ADGRB3: variants seen among roughly 807,000 people sequenced by gnomAD.
The protein encoded by ADGRB3 is adhesion G protein-coupled receptor B3.
A neutral mutation model predicts 193.4 loss-of-function variants in ADGRB3; 37 were observed. The ratio of observed to expected loss-of-function variants is 0.19; its 90% confidence interval spans 0.15 to 0.25. The LOEUF (loss-of-function observed/expected upper bound fraction) is 0.25, where lower values mean the gene tolerates loss of function less well. Among genes scored for constraint, ADGRB3 ranks in the 10% least tolerant of loss-of-function variants. ADGRB3 has a pLI of 1.00. For missense variants in ADGRB3, 1,637 were observed against 1,852.9 expected (o/e 0.88, Z 2.14); for synonymous variants, 690 against 644.2 (o/e 1.07, Z -1.08).
intron 11 of ADGRB3, among the ~76,000 whole-genome samples, chr6:69,001,240 C>T (rs749013266): frequency 6.6e-6 from 1 of 152,190 alleles, no homozygotes; most frequent in Non-Finnish European, 1.5e-5. Context: ...GTCAAAAGTA[C>T]AGAAATAGTG....
At chr6:68,892,650 G>A (rs992741462) in intron 3 of ADGRB3, among the ~76,000 whole-genome samples, 3 of 152,048 alleles carry the variant, frequency 2.0e-5, no homozygotes, top group Admixed American at 2.0e-4. Context: ...GAGGGCCTGG[G>A]TTGTGCAATA....
intron 17 of ADGRB3, among the ~76,000 whole-genome samples, chr6:69,175,280 TGTAA>T (rs1466308000): frequency 6.6e-6 from 1 of 152,234 alleles, no homozygotes; most frequent in Non-Finnish European, 1.5e-5. Context: ...AGGTCTTACA[TGTAA>T]GTGTTTAACC....
chr6:68,704,587 C>A (rs1449205768), intron 3 of ADGRB3, among the ~76,000 whole-genome samples: 2 of 152,058 alleles, frequency 1.3e-5, no homozygotes, highest in African/African-American at 2.4e-5. Context: ...TTAAGAGGAG[C>A]CTACATAAAT....
In ADGRB3 at chr6:68,639,287, G is replaced by A; in HGVS notation, c.612G>A (p.Glu204=). 1 of 1,614,146 alleles carries A rather than the reference G, an allele frequency of 6.2e-7. No individual in the cohort carries two copies. Among genetic ancestry groups the A allele is most frequent in the South Asian group, 1.1e-5 (1 of 91,082 alleles). The change falls in exon 3 of 32, where the codon GAG becomes GAA. Residue 204 remains glutamate, a synonymous_variant. Coordinates refer to ENST00000370598, the MANE Select transcript of ADGRB3 (RefSeq NM_001704.3). The part of the protein sequence containing the change: ...TKCTCPQHLG[E]WGIDDQSLIL... ...GCACCTGCCCTCAGCATTTGGGAGA[G>A]TGGGGGATCGACGACCAGTCGCTGA...
chr6:68,674,961 A>G (rs1345464226), intron 3 of ADGRB3, among the ~76,000 whole-genome samples: 1 of 151,964 alleles, frequency 6.6e-6, no homozygotes, highest in South Asian at 2.1e-4. Context: ...AAAATATAAG[A>G]TAGGGAAGTT....
At chr6:68,776,206 G>C (rs1039632247) in intron 3 of ADGRB3, among the ~76,000 whole-genome samples, 1 of 152,076 alleles carries the variant, frequency 6.6e-6, no homozygotes, top group Non-Finnish European at 1.5e-5. Context: ...AAATTAATGA[G>C]GTAAGGGACT....
chr6:69,332,057 G>C (rs2127314425), intron 23 of ADGRB3: 1 of 985,394 alleles, frequency 1.0e-6, no homozygotes, highest in African/African-American at 1.7e-5. Context: ...AGATTGGAAA[G>C]AGGCCAGAAA....
chr6:68,843,051 C>CAA (rs55855427), intron 3 of ADGRB3, among the ~76,000 whole-genome samples: 40,075 of 129,626 alleles, frequency 0.31, 5,778 homozygotes, highest in African/African-American at 0.42. Context: ...TATACAACAA[C>CAA]AAAAAAAAAA....
intron 3 of ADGRB3, among the ~76,000 whole-genome samples, chr6:68,640,310 A>G (rs1478605667): frequency 6.6e-6 from 1 of 152,228 alleles, no homozygotes; most frequent in Non-Finnish European, 1.5e-5. Flanking sequence ...ATGCGGAAGA[A>G]AAAGAAAGTA....
At chr6:68,920,159 C>T (rs1276996067) in intron 3 of ADGRB3, among the ~76,000 whole-genome samples, 1 of 152,048 alleles carries the variant, frequency 6.6e-6, no homozygotes, top group Non-Finnish European at 1.5e-5. Context: ...ACCAAGTAAA[C>T]GAAATGAAAA....
chr6:68,781,450 C>G (rs779521007), intron 3 of ADGRB3, among the ~76,000 whole-genome samples: 9 of 152,142 alleles, frequency 5.9e-5, no homozygotes, highest in Non-Finnish European at 1.2e-4. Context: ...ATGCTTTTAT[C>G]TGCAGGATGC....
chr6:69,195,385 T>TA (rs1243351529), intron 17 of ADGRB3, among the ~76,000 whole-genome samples: 1 of 151,414 alleles, frequency 6.6e-6, no homozygotes, highest in Non-Finnish European at 1.5e-5. Flanking sequence ...AAATAAATAA[T>TA]AAAAAATAAA....
chr6:69,087,137 C>G (rs928564650), intron 17 of ADGRB3, among the ~76,000 whole-genome samples: 2 of 152,116 alleles, frequency 1.3e-5, no homozygotes, highest in Admixed American at 1.3e-4. Context: ...GAGAAACACC[C>G]AAGACTGCTC....
At position 69,233,290 on chromosome 6, in the gene ADGRB3, G is replaced by A. The variant is rs1766191491; in HGVS notation, c.2481G>A (p.Thr827=). The change falls in exon 18 of 32, where the codon ACG becomes ACA. Residue 827 remains threonine (T), a splice_region_variant and synonymous_variant. Coordinates refer to ENST00000370598, the MANE Select transcript of ADGRB3 (RefSeq NM_001704.3). The part of the protein sequence containing the change: ...PYCVLWDDSK[T]NESLGTWSTQ... ...CCTCCCCCCTCACTCCCCTTTGCAGGAACGAGTCTTTGGGAACGTGGTCCA... is the reference window on the plus strand; with the variant it reads ...CCTCCCCCCTCACTCCCCTTTGCAGAAACGAGTCTTTGGGAACGTGGTCCA... The A allele has an allele frequency of 1.2e-6, 2 of 1,613,242 alleles. No individual in the cohort carries two copies. The highest frequency in any genetic ancestry group is 1.7e-6 in the Non-Finnish European group (2 of 1,179,744).
At chr6:68,812,641 A>G (rs1030412875) in intron 3 of ADGRB3, among the ~76,000 whole-genome samples, 6 of 152,028 alleles carry the variant, frequency 3.9e-5, no homozygotes, top group East Asian at 1.9e-4. Context: ...TGTTGCTTCT[A>G]CTAATGTACA....
intron 17 of ADGRB3, among the ~76,000 whole-genome samples, chr6:69,190,859 T>C (rs545452503): frequency 6.6e-5 from 10 of 152,324 alleles, no homozygotes; most frequent in Non-Finnish European, 1.2e-4. Context: ...TACAATTGCC[T>C]ACATCAGTCA....
intron 10 of ADGRB3, among the ~76,000 whole-genome samples, chr6:68,979,913 G>T (rs1288985485): frequency 6.6e-6 from 1 of 151,208 alleles, no homozygotes; most frequent in Non-Finnish European, 1.5e-5. Flanking sequence ...ACACACCTGG[G>T]GAGACAAGCT....
At chr6:68,772,665 G>T (rs974495721) in intron 3 of ADGRB3, among the ~76,000 whole-genome samples, 2 of 151,294 alleles carry the variant, frequency 1.3e-5, no homozygotes, top group African/African-American at 2.4e-5. Context: ...TAAACATCTC[G>T]ACACAAATTA....
At chr6:69,142,369 G>A (rs892437061) in intron 17 of ADGRB3, among the ~76,000 whole-genome samples, 3 of 152,162 alleles carry the variant, frequency 2.0e-5, no homozygotes, top group Admixed American at 1.3e-4. Flanking sequence ...TCTGTCTTTT[G>A]TGTACAGTTG....
Sources: gnomAD v4.1 joint callset for allele counts (sites outside exome capture counted in the v4.1 genomes callset) on GRCh38, gnomAD v4.1.1 for gene constraint, MANE v1.5 for transcripts, NCBI Gene and HGNC (gene_info 2026-07-23, HGNC 2026-07-21) for gene names.